The following SUPT3H variants were observed in gnomAD, a reference collection of about 807,000 sequenced individuals.
The protein encoded by SUPT3H is SPT3 homolog, SAGA and STAGA complex component.
A neutral mutation model predicts 44.3 loss-of-function variants in SUPT3H; 44 were observed. The ratio of observed to expected loss-of-function variants is 0.99; its 90% confidence interval spans 0.78 to 1.28. The LOEUF (loss-of-function observed/expected upper bound fraction) is 1.28. Among genes scored for constraint, SUPT3H ranks in the 50% most tolerant of loss-of-function variants. SUPT3H has a pLI of 0.00. For missense variants in SUPT3H, 380 were observed against 387.1 expected (o/e 0.98, Z 0.15); for synonymous variants, 124 against 125.6 (o/e 0.99, Z 0.09).
intron 2 of SUPT3H, among the ~76,000 whole-genome samples, chr6:45,135,861 C>T (rs1277565386): frequency 6.6e-6 from 1 of 152,166 alleles, no homozygotes; most frequent in African/African-American, 2.4e-5. Flanking sequence ...CTCAGACAGG[C>T]AGACAAGCCA....
chr6:44,958,872 G>GTTT (rs10670652), intron 7 of SUPT3H, among the ~76,000 whole-genome samples: 1,142 of 98,124 alleles, frequency 0.012, 43 homozygotes, highest in Non-Finnish European at 0.015. Context: ...CTTATCAATG[G>GTTT]TTTTTTTTTT....
At chr6:45,338,503 A>G (rs183638813) in intron 2 of SUPT3H, among the ~76,000 whole-genome samples, 22 of 152,272 alleles carry the variant, frequency 1.4e-4, no homozygotes, top group African/African-American at 5.3e-4. Context: ...TTTGACAGCT[A>G]CAAGAGCACT....
At chr6:45,365,073 T>C (rs1380616968) in intron 2 of SUPT3H, 128 bp downstream of exon 2, 21 of 640,358 alleles carry the variant, frequency 3.3e-5, no homozygotes, top group Non-Finnish European at 4.6e-5. Flanking sequence ...TACCACAGTA[T>C]TTCATTTTTA....
At chr6:45,343,967 T>C (rs1581741922) in intron 2 of SUPT3H, among the ~76,000 whole-genome samples, 1 of 152,340 alleles carries the variant, frequency 6.6e-6, no homozygotes, top group East Asian at 1.9e-4. Flanking sequence ...ACTAGTTGTT[T>C]ACTGGTAAAA....
chr6:45,022,141 C>T (rs187061907), intron 3 of SUPT3H, among the ~76,000 whole-genome samples: 11 of 152,078 alleles, frequency 7.2e-5, no homozygotes, highest in Admixed American at 1.3e-4. Flanking sequence ...TGGACACATA[C>T]ACAGTAAATT....
At chr6:44,986,991 T>C (rs1041556571) in intron 6 of SUPT3H, among the ~76,000 whole-genome samples, 4 of 152,114 alleles carry the variant, frequency 2.6e-5, no homozygotes, top group East Asian at 1.9e-4. Context: ...ATAGAATAGG[T>C]GGCTTAAACA....
intron 10 of SUPT3H, among the ~76,000 whole-genome samples, chr6:44,839,135 G>A (rs1414859879): frequency 6.6e-6 from 1 of 151,664 alleles, no homozygotes; most frequent in African/African-American, 2.4e-5. Context: ...TCATTTTATT[G>A]GGTATTATTC....
At chr6:45,265,660 C>T (rs1330528054) in intron 2 of SUPT3H, among the ~76,000 whole-genome samples, 1 of 151,968 alleles carries the variant, frequency 6.6e-6, no homozygotes, top group East Asian at 1.9e-4. Context: ...TTTACTTTTA[C>T]CTTTAGAAAT....
intron 10 of SUPT3H, among the ~76,000 whole-genome samples, chr6:44,870,945 T>TA (rs1406578546): frequency 6.6e-6 from 1 of 151,310 alleles, no homozygotes; most frequent in Admixed American, 6.6e-5. Flanking sequence ...CAGACCGGCT[T>TA]AAAAAACGGC....
intron 2 of SUPT3H, among the ~76,000 whole-genome samples, chr6:45,346,567 C>CTTTTTTTTTTTT (rs71745024): frequency 5.0e-5 from 7 of 140,428 alleles, no homozygotes; most frequent in Admixed American, 7.2e-5. Flanking sequence ...ATAAACATTT[C>CTTTTTTTTTTTT]TTTTTTTTTT....
intron 10 of SUPT3H, among the ~76,000 whole-genome samples, chr6:44,891,130 A>G (rs983193141): frequency 5.3e-5 from 8 of 152,186 alleles, no homozygotes; most frequent in African/African-American, 1.9e-4. Context: ...AAGTATAATA[A>G]TAAAAAGAAG....
At chr6:45,036,622 G>A (rs1006442695) in intron 3 of SUPT3H, among the ~76,000 whole-genome samples, 1 of 152,046 alleles carries the variant, frequency 6.6e-6, no homozygotes, top group Non-Finnish European at 1.5e-5. Context: ...ATGAAAAAAT[G>A]CCTTCATAAT....
intron 2 of SUPT3H, among the ~76,000 whole-genome samples, chr6:45,269,370 A>G (rs1196297720): frequency 6.6e-6 from 1 of 152,202 alleles, no homozygotes; most frequent in Non-Finnish European, 1.5e-5. Context: ...TTTAGAACAT[A>G]TTTTAGAAAA....
rs146559334 is a variant in SUPT3H at position 44,993,522 on chromosome 6, A to G, written c.504+10131T>C. Among the ~76,000 whole-genome samples the G allele has an allele frequency of 2.3e-3, 353 of 152,210 alleles. 1 individual carries two copies. The highest frequency in any genetic ancestry group is 7.8e-3 in the African/African-American group (323 of 41,556). Reference sequence around the variant, plus strand: ...CACAATTCTTTACCATTATATCATAAAAGTACAGCTATAGCTATGGGTAAA... The same window carrying G: ...CACAATTCTTTACCATTATATCATAGAAGTACAGCTATAGCTATGGGTAAA... On this transcript the variant is annotated intron_variant, in intron 6 of 10. Coordinates refer to ENST00000371459, the MANE Select transcript of SUPT3H (RefSeq NM_003599.4).
chr6:44,930,715 G>A (rs1770449137), intron 10 of SUPT3H, among the ~76,000 whole-genome samples: 3 of 152,228 alleles, frequency 2.0e-5, no homozygotes, highest in Admixed American at 2.0e-4. Flanking sequence ...GGTGGAGTTT[G>A]TTACCATTTG....
Position 44,826,864 on chromosome 6 carries a change from A to G in SUPT3H, c.*2952T>C, listed in dbSNP as rs1426935205. ...GGTTCTCCCCAGATACAGGAATTAT[A>G]TACACCATTTAAAAAATATTTGTGC... On this transcript the variant is annotated 3_prime_UTR_variant, in exon 11 of 11. Coordinates refer to ENST00000371459, the MANE Select transcript of SUPT3H (RefSeq NM_003599.4). Among the ~76,000 whole-genome samples the G allele has an allele frequency of 6.6e-6, 1 of 152,204 alleles. No homozygotes were observed. The highest frequency in any genetic ancestry group is 1.5e-5 in the Non-Finnish European group (1 of 68,026).
At chr6:44,822,191 C>G (rs138888270), downstream of SUPT3H, among the ~76,000 whole-genome samples, 2 of 152,130 alleles carry the variant, frequency 1.3e-5, no homozygotes, top group Admixed American at 6.5e-5. Flanking sequence ...TTGGGGCCTG[C>G]AGACTACATG....
intron 3 of SUPT3H, among the ~76,000 whole-genome samples, chr6:45,087,316 G>A (rs1189077989): frequency 1.3e-5 from 2 of 151,748 alleles, no homozygotes; most frequent in African/African-American, 2.4e-5. Context: ...TAAATTTCAA[G>A]TTATTAAAAG....
chr6:45,081,525 T>C (rs1795812964), intron 3 of SUPT3H, among the ~76,000 whole-genome samples: 1 of 152,116 alleles, frequency 6.6e-6, no homozygotes, highest in African/African-American at 2.4e-5. Flanking sequence ...GAAGAGACTT[T>C]CTTGTATATA....
Sources: allele counts gnomAD v4.1 joint callset (sites outside exome capture counted in the v4.1 genomes callset), GRCh38; gene constraint gnomAD v4.1.1; transcripts MANE v1.5; gene names NCBI Gene and HGNC (gene_info 2026-07-23, HGNC 2026-07-21).